Variants in FYB2 observed in about 807,000 individuals in gnomAD.
The protein encoded by FYB2 is FYN-binding protein 2.
FYB2 carries 103 observed loss-of-function variants against 94.1 expected under a neutral mutation model. That is an observed-to-expected ratio of 1.09 (90% CI 0.93 to 1.29). FYB2 has a LOEUF of 1.29. FYB2 is among the 50% of genes most tolerant of loss of function. The pLI, the probability that FYB2 is intolerant of heterozygous loss-of-function variation, is 0.00. For missense variants in FYB2, 896 were observed against 841.5 expected (o/e 1.06, Z -0.80); for synonymous variants, 293 against 287.9 (o/e 1.02, Z -0.18).
chr1:56,730,087 T>G (rs1333363769), intron 15 of FYB2, among the ~76,000 whole-genome samples: 1 of 151,292 alleles, frequency 6.6e-6, no homozygotes, highest in Non-Finnish European at 1.5e-5. Flanking sequence ...CTAGAAAGAT[T>G]TCAAAAAACA....
rs139281548 is a variant in FYB2, at chr1:56,744,234, C to A, written c.1420G>T (p.Glu474Ter). The A allele has an allele frequency of 3.1e-3, 4,934 of 1,612,204 alleles. 27 individuals carry two copies. The highest frequency in any genetic ancestry group is 2.9e-3 in the Non-Finnish European group (3,386 of 1,179,182). The change falls in exon 10 of 20, where the codon GAA becomes TAA. Residue 474 changes from glutamate to a stop codon, truncating the protein, a stop_gained. Coordinates refer to ENST00000343433, the MANE Select transcript of FYB2 (RefSeq NM_001004303.5). LOFTEE classifies it high-confidence loss of function. Reference protein sequence around the residue: ...GHLEVLESTKETPDLGVSKTS... With the variant: ...GHLEVLESTK ...TTAGAGACCCCTAGGTCTGGAGTTT[C>A]TTTAGTTGACTCCAAAACCTCCAGA...
intron 15 of FYB2, among the ~76,000 whole-genome samples, chr1:56,736,825 T>G (rs1469887557): frequency 6.6e-6 from 1 of 152,136 alleles, no homozygotes; most frequent in Non-Finnish European, 1.5e-5. Context: ...TTAAAAAATG[T>G]GTTGAAATGA....
chr1:56,778,833 T>TTTCTTCCCA (rs1645943115), intron 4 of FYB2, among the ~76,000 whole-genome samples: 2 of 152,162 alleles, frequency 1.3e-5, no homozygotes, highest in African/African-American at 4.8e-5. Context: ...CTAAAATATA[T>TTTCTTCCCA]ACTTAATGAG....
At position 56,782,765 on chromosome 1, in the gene FYB2, C is replaced by T. The variant is rs115875675; in HGVS notation, c.953+4410G>A. 2.6e-3 allele frequency among the ~76,000 whole-genome samples: 390 copies of T among 152,182 alleles called. 1 individual carries two copies. The highest frequency in any genetic ancestry group is 4.1e-3 in the Non-Finnish European group (276 of 68,006). On this transcript the variant is annotated intron_variant, in intron 4 of 19. Coordinates refer to ENST00000343433, the MANE Select transcript of FYB2 (RefSeq NM_001004303.5). ...AAACTCTTGAGAATTCACCCACAGACCCTCCCCTAAGAAACACTGCTGTCA... is the reference window on the plus strand; with the variant it reads ...AAACTCTTGAGAATTCACCCACAGATCCTCCCCTAAGAAACACTGCTGTCA...
intron 1 of FYB2, 74 bp from the exon 2 acceptor site, chr1:56,792,877 C>A: frequency 6.9e-7 from 1 of 1,441,996 alleles, no homozygotes; most frequent in South Asian, 1.3e-5. Flanking sequence ...ACAAGTGTCT[C>A]ATTATTCCAA....
chr1:56,809,101 C>G (rs1019315841), intron 1 of FYB2, among the ~76,000 whole-genome samples: 1 of 152,078 alleles, frequency 6.6e-6, no homozygotes, highest in Non-Finnish European at 1.5e-5. Context: ...GTGAACAGCA[C>G]CTATTGGAGT....
intron 15 of FYB2, among the ~76,000 whole-genome samples, chr1:56,732,183 A>G (rs1644726275): frequency 6.6e-6 from 1 of 152,170 alleles, no homozygotes. Flanking sequence ...TCTATACATG[A>G]ACAATGAACT....
At chr1:56,776,864 A>T (rs1428551918) in intron 4 of FYB2, among the ~76,000 whole-genome samples, 1 of 152,206 alleles carries the variant, frequency 6.6e-6, no homozygotes, top group Non-Finnish European at 1.5e-5. Context: ...CACTTTGCTG[A>T]ATTAGAGATA....
intron 4 of FYB2, among the ~76,000 whole-genome samples, chr1:56,777,523 G>A (rs1284185061): frequency 6.6e-6 from 1 of 152,164 alleles, no homozygotes; most frequent in Admixed American, 6.5e-5. Flanking sequence ...TCAGGGAAAT[G>A]AGATACACCC....
chr1:56,802,515 A>C (rs937014533), intron 1 of FYB2, among the ~76,000 whole-genome samples: 1 of 152,206 alleles, frequency 6.6e-6, no homozygotes, highest in Non-Finnish European at 1.5e-5. Context: ...AGGGCTATCA[A>C]GACATTTTAG....
At position 56,726,486 on chromosome 1, in the gene FYB2, T is replaced by TGTG. The variant is rs757699732; in HGVS notation, c.1880+8_1880+10dup. On this transcript the variant is annotated intron_variant, in intron 16 of 19. Coordinates refer to ENST00000343433, the MANE Select transcript of FYB2 (RefSeq NM_001004303.5). ...AGATAAGCTATAATAGAAGTGCCTC[T>TGTG]GTGTTCCCACCTTTCTGATTCTTCA... is the stretch of plus-strand genomic sequence containing the variant. The TGTG allele has an allele frequency of 2.5e-6, 4 of 1,609,090 alleles. No individual in the cohort carries two copies. The African/African-American group carries it at 5.4e-5, about 22-fold the overall frequency.
chr1:56,774,065 A>G (rs1330479901), intron 4 of FYB2, among the ~76,000 whole-genome samples: 2 of 152,196 alleles, frequency 1.3e-5, no homozygotes, highest in East Asian at 3.9e-4. Flanking sequence ...ATGGATCTCA[A>G]AATTCATTTG....
At chr1:56,754,230 T>G (rs1453202884) in intron 7 of FYB2, among the ~76,000 whole-genome samples, 5 of 152,010 alleles carry the variant, frequency 3.3e-5, no homozygotes, top group Admixed American at 3.3e-4. Context: ...CTTTCCAAAC[T>G]CATCTCCTGC....
chr1:56,765,036 C>T (rs1372498591), intron 5 of FYB2, among the ~76,000 whole-genome samples: 2 of 152,174 alleles, frequency 1.3e-5, no homozygotes, highest in Non-Finnish European at 2.9e-5. Context: ...GGTAGGTTTT[C>T]AGCATTTTAG....
chr1:56,816,619 C>T (rs1646887603), intron 1 of FYB2, among the ~76,000 whole-genome samples: 1 of 152,160 alleles, frequency 6.6e-6, no homozygotes, highest in South Asian at 2.1e-4. Context: ...ATAACACATA[C>T]TAAACATCTA....
Position 56,751,212 on chromosome 1 carries a change from A to T in FYB2, c.1228-9T>A, listed in dbSNP as rs1166161859. The T allele has an allele frequency of 1.2e-6, 2 of 1,611,700 alleles. No homozygotes were observed. The highest frequency in any genetic ancestry group is 2.2e-5 in the South Asian group (2 of 90,936). The stretch of plus-strand genomic sequence containing the variant: ...CCTTCACAGGCATCTACCTAAACAT[A>T]TGCAAAAGGGAGAATACTGTAGGGC... On this transcript the variant is annotated splice_polypyrimidine_tract_variant and intron_variant, in intron 8 of 19. Coordinates refer to ENST00000343433, the MANE Select transcript of FYB2 (RefSeq NM_001004303.5).
intron 1 of FYB2, among the ~76,000 whole-genome samples, chr1:56,806,229 A>G (rs1365197725): frequency 6.6e-6 from 1 of 152,222 alleles, no homozygotes; most frequent in Admixed American, 6.5e-5. Context: ...GAGGCAGGAC[A>G]GGGAACACCT....
intron 5 of FYB2, among the ~76,000 whole-genome samples, chr1:56,760,010 C>CAG (rs1341587622): frequency 6.9e-6 from 1 of 145,618 alleles, no homozygotes; most frequent in Non-Finnish European, 1.5e-5. Flanking sequence ...ACCAGGGAGG[C>CAG]AGAGGATGCA....
intron 16 of FYB2, among the ~76,000 whole-genome samples, chr1:56,724,369 C>T (rs1221450810): frequency 6.6e-6 from 1 of 152,048 alleles, no homozygotes; most frequent in Admixed American, 6.6e-5. Flanking sequence ...TTGCTCTTCA[C>T]ATGAGATTTG....
Sources: allele counts gnomAD v4.1 joint callset (sites outside exome capture counted in the v4.1 genomes callset), GRCh38; gene constraint gnomAD v4.1.1; transcripts MANE v1.5; gene names NCBI Gene and HGNC (gene_info 2026-07-23, HGNC 2026-07-21).